The following ANKRD17 variants were observed in gnomAD, a reference collection of about 807,000 sequenced individuals.
ANKRD17 encodes ankyrin repeat domain-containing protein 17.
ANKRD17 carries 19 observed loss-of-function variants against 229.7 expected under a neutral mutation model. The ratio of observed to expected loss-of-function variants is 0.08; its 90% CI spans 0.06 to 0.12. ANKRD17 has a LOEUF of 0.12. Among genes scored for constraint, ANKRD17 ranks in the 10% least tolerant of loss-of-function variants. ANKRD17 has a pLI of 1.00. For synonymous variants in ANKRD17, 1,112 were observed against 1,146.1 expected, an observed-to-expected ratio of 0.97 and a Z score of 0.60; for missense variants, 2,176 against 3,176.8, an observed-to-expected ratio of 0.68 and a Z score of 7.57.
intron 1 of ANKRD17, among the ~76,000 whole-genome samples, chr4:73,189,389 C>T (rs911855178): frequency 6.7e-6 from 1 of 148,914 alleles, no homozygotes; most frequent in African/African-American, 2.5e-5. Context: ...CGGTGATATT[C>T]CTCTGCCTGG....
intron 24 of ANKRD17, chr4:73,113,169 C>A: frequency 7.9e-7 from 1 of 1,268,576 alleles, no homozygotes. Flanking sequence ...GATTACTATT[C>A]AGTTAAGTTC....
chr4:73,228,269 A>G (rs1234907688), intron 1 of ANKRD17, among the ~76,000 whole-genome samples: 1 of 152,186 alleles, frequency 6.6e-6, no homozygotes, highest in African/African-American at 2.4e-5. Context: ...AAGTCCATAC[A>G]TTATTAAAAC....
At chr4:73,227,311 G>A (rs774032701) in intron 1 of ANKRD17, among the ~76,000 whole-genome samples, 4 of 151,864 alleles carry the variant, frequency 2.6e-5, no homozygotes, top group Non-Finnish European at 5.9e-5. Context: ...CCACCACCAC[G>A]CCTGGCTCAT....
At chr4:73,243,018 G>A (rs546471524) in intron 1 of ANKRD17, among the ~76,000 whole-genome samples, 32 of 152,110 alleles carry the variant, frequency 2.1e-4, no homozygotes, top group Non-Finnish European at 4.4e-4. Flanking sequence ...GGACGAAGAA[G>A]GATATCTAAG....
At chr4:73,189,575 C>T (rs1258128806) in intron 1 of ANKRD17, among the ~76,000 whole-genome samples, 1 of 152,000 alleles carries the variant, frequency 6.6e-6, no homozygotes, top group African/African-American at 2.4e-5. Flanking sequence ...ATTCCGCCCC[C>T]TCAGCCACCC....
At chr4:73,210,035 G>A (rs1216757483) in intron 1 of ANKRD17, among the ~76,000 whole-genome samples, 5 of 152,056 alleles carry the variant, frequency 3.3e-5, no homozygotes, top group Non-Finnish European at 4.4e-5. Flanking sequence ...CAGAAACAAG[G>A]CAAAGAAGCC....
At chr4:73,077,675 T>C in intron 31 of ANKRD17, 142 bp from the exon 32 acceptor site, 1 of 716,422 alleles carries the variant, frequency 1.4e-6, no homozygotes, top group Non-Finnish European at 2.1e-6. Context: ...CAGCAATATT[T>C]CCATGGTTTG....
At chr4:73,135,387 G>C in intron 15 of ANKRD17, 122 bp from the exon 16 acceptor site, 1 of 867,094 alleles carries the variant, frequency 1.2e-6, no homozygotes, top group Non-Finnish European at 1.7e-6. Context: ...GACTACTATA[G>C]CACTAATAAC....
chr4:73,198,470 A>G (rs1299034141), intron 1 of ANKRD17, among the ~76,000 whole-genome samples: 1 of 152,196 alleles, frequency 6.6e-6, no homozygotes, highest in African/African-American at 2.4e-5. Context: ...AATCTCCAAG[A>G]AATTTGGGTA....
chr4:73,199,493 C>A (rs981698811), intron 1 of ANKRD17, among the ~76,000 whole-genome samples: 3 of 152,092 alleles, frequency 2.0e-5, no homozygotes, highest in Non-Finnish European at 2.9e-5. Context: ...TAGAGGCATA[C>A]CTCAGAAATT....
Position 73,151,439 on chromosome 4 carries a change from C to T in ANKRD17, c.1320G>A (p.Glu440=). 1 of 1,611,358 alleles carries T rather than the reference C, an allele frequency of 6.2e-7. No homozygotes were observed. The highest frequency in any genetic ancestry group is 8.5e-7 in the Non-Finnish European group (1 of 1,178,940). Residue 440 remains glutamate, a synonymous_variant, in exon 7 of 34, where the codon GAG becomes GAA. Transcript: ENST00000358602. ...KTDEMHTALM[E]ACMDGHVEVA... The stretch of plus-strand genomic sequence containing the variant: ...ATTTCACCAATCTTACCATGCAAGC[C>T]TCCATCAGAGCAGTGTGCATTTCAT...
Position 73,230,812 on chromosome 4 carries a change from T to G in ANKRD17, c.393+27464A>C, listed in dbSNP as rs1299724083. On this transcript the variant is annotated intron_variant, in intron 1 of 33. Transcript: ENST00000358602. ...CTCTTTTCACATCCCCAGTAATAGT[T>G]GTGTCTGTTGGACACTCGCATTTGT... 6.6e-5 allele frequency among the ~76,000 whole-genome samples: 10 copies of G among 152,222 alleles called. No individual in the cohort carries two copies. In the East Asian group the frequency reaches 1.9e-3, roughly 29 times the overall value.
At chr4:73,152,987 T>C (rs936538705) in intron 6 of ANKRD17, among the ~76,000 whole-genome samples, 1 of 152,174 alleles carries the variant, frequency 6.6e-6, no homozygotes, top group Non-Finnish European at 1.5e-5. Context: ...TGTTTATAAA[T>C]GAAATTATTC....
chr4:73,167,775 G>C (rs1445516413), intron 2 of ANKRD17, among the ~76,000 whole-genome samples: 1 of 152,114 alleles, frequency 6.6e-6, no homozygotes, highest in Non-Finnish European at 1.5e-5. Context: ...ATGTTTCCAA[G>C]TCTATTTGGT....
chr4:73,201,068 TAAATAA>T (rs1738616664), intron 1 of ANKRD17, among the ~76,000 whole-genome samples: 1 of 149,568 alleles, frequency 6.7e-6, no homozygotes, highest in South Asian at 2.1e-4. Flanking sequence ...CTAGCAAGAC[TAAATAA>T]AATGCCATAT....
chr4:73,153,840 A>G lies in ANKRD17; in HGVS notation c.1234+40T>C, dbSNP rs753908304. 8.6e-6 allele frequency: 11 copies of G among 1,282,690 alleles called. No individual in the cohort carries two copies. The Admixed American group carries it at 2.4e-4, about 28-fold the overall frequency. The allele number at this position is 1,282,690 out of a possible 1,614,324, so 79.5% of individuals were successfully genotyped here. On this transcript the variant is annotated intron_variant, in intron 6 of 33. Coordinates refer to ENST00000358602, the MANE Select transcript of ANKRD17 (RefSeq NM_032217.5). ...TTACATAAAATAATTATAATTTCAC[A>G]TATTTAAAAACTTTGTTTTAAGAAA...
At position 73,091,447 on chromosome 4, in the gene ANKRD17, A is replaced by G; in HGVS notation, c.6181T>C (p.Leu2061=). 2 of 1,614,204 alleles carry G rather than the reference A, an allele frequency of 1.2e-6. No homozygotes were observed. The highest frequency in any genetic ancestry group is 1.7e-6 in the Non-Finnish European group (2 of 1,180,032). The change falls in exon 29 of 34, where the codon TTG becomes CTG. Residue 2061 remains leucine, a synonymous_variant. Transcript: ENST00000358602. Reference sequence around the variant, plus strand: ...TTTGGAGATGCTGATCCACAATCCAAAGGGCTGTTTCTAGAAACCCCTCCT... The same window carrying G: ...TTTGGAGATGCTGATCCACAATCCAGAGGGCTGTTTCTAGAAACCCCTCCT... ...QPGGVSRNSP[L]DCGSASPNKV...
At position 73,078,750 on chromosome 4, in the gene ANKRD17, G is replaced by A. The variant is rs143161842; in HGVS notation, c.7300C>T (p.Arg2434Cys). 2 of 1,613,992 alleles carry A rather than the reference G, an allele frequency of 1.2e-6. No homozygotes were observed. The highest frequency in any genetic ancestry group is 1.7e-5 in the Admixed American group (1 of 59,998). Residue 2434 changes from arginine (R) to cysteine (C), a missense_variant, in exon 31 of 34, where the codon CGT becomes TGT. Coordinates refer to ENST00000358602, the MANE Select transcript of ANKRD17 (RefSeq NM_032217.5). Reference sequence around the variant, plus strand: ...GCTGACGTTCCAGTTTGCCTGATACGTGCAGAACGTTCAGTCCCAATAGGG... The same window carrying A: ...GCTGACGTTCCAGTTTGCCTGATACATGCAGAACGTTCAGTCCCAATAGGG... ...PVPIGTERSA[R>C]IRQTGTSAPS... is the part of the protein sequence containing the mutation.
At chr4:73,243,977 G>A (rs547583749) in intron 1 of ANKRD17, among the ~76,000 whole-genome samples, 1 of 152,120 alleles carries the variant, frequency 6.6e-6, no homozygotes, top group Non-Finnish European at 1.5e-5. Context: ...CAGTTCTGGA[G>A]ACTGTAAGTC....
Sources: gnomAD v4.1 joint callset for allele counts (sites outside exome capture counted in the v4.1 genomes callset) on GRCh38, gnomAD v4.1.1 for gene constraint, MANE v1.5 for transcripts, NCBI Gene and HGNC (gene_info 2026-07-23, HGNC 2026-07-21) for gene names.